Variants in SPPL3 observed in about 807,000 individuals in gnomAD.
SPPL3 encodes signal peptide peptidase-like 3.
SPPL3 carries 5 observed loss-of-function variants against 42.4 expected under a neutral mutation model. The ratio of observed to expected loss-of-function variants is 0.12; its 90% CI spans 0.06 to 0.25. The LOEUF (loss-of-function observed/expected upper bound fraction) is 0.25. Among genes scored for constraint, SPPL3 ranks in the 10% least tolerant of loss-of-function variants. The pLI, the probability that SPPL3 is intolerant of heterozygous loss-of-function variation, is 1.00. For synonymous variants in SPPL3, 195 were observed against 181.8 expected (o/e 1.07, Z -0.58); for missense variants, 235 against 489.0 (o/e 0.48, Z 4.90).
intron 2 of SPPL3, among the ~76,000 whole-genome samples, chr12:120,799,572 T>A (rs1008322065): frequency 4.6e-5 from 7 of 151,982 alleles, no homozygotes; most frequent in Admixed American, 4.6e-4. Context: ...TACTATCAGA[T>A]GGTGGGGGAG....
intron 4 of SPPL3, 37 bp from the exon 5 acceptor site, chr12:120,783,789 A>G (rs746363470): frequency 7.6e-6 from 12 of 1,576,064 alleles, no homozygotes; most frequent in Non-Finnish European, 1.0e-5. Context: ...TAAAACAATT[A>G]TAAGAAAAAT....
intron 2 of SPPL3, among the ~76,000 whole-genome samples, chr12:120,792,805 C>T (rs529167074): frequency 6.6e-6 from 1 of 151,794 alleles, no homozygotes; most frequent in Non-Finnish European, 1.5e-5. Flanking sequence ...ATCATGTGAT[C>T]ACTGAAATGT....
intron 6 of SPPL3, among the ~76,000 whole-genome samples, chr12:120,776,412 A>G (rs983240259): frequency 1.3e-5 from 2 of 152,158 alleles, no homozygotes; most frequent in African/African-American, 4.8e-5. Context: ...CAGACCCTTT[A>G]GTATGTCTTA....
intron 6 of SPPL3, among the ~76,000 whole-genome samples, chr12:120,778,728 TTTTACTAACTAACTTGACA>T (rs574141958): frequency 1.3e-3 from 196 of 152,188 alleles, no homozygotes; most frequent in Non-Finnish European, 2.2e-3. Flanking sequence ...TCTTATGACA[TTTTACTAACTAACTTGACA>T]CACAGACATT....
intron 1 of SPPL3, among the ~76,000 whole-genome samples, chr12:120,855,998 CTG>C (rs1185068357): frequency 6.6e-6 from 1 of 152,178 alleles, no homozygotes; most frequent in Non-Finnish European, 1.5e-5. Context: ...CAACAGAACT[CTG>C]TGATCATGAA....
intron 2 of SPPL3, 169 bp from the exon 3 acceptor site, chr12:120,791,726 C>A: frequency 3.6e-6 from 2 of 554,008 alleles, no homozygotes; most frequent in Non-Finnish European, 6.3e-6. Context: ...TCAGTCCTTC[C>A]AATGTGTCAG....
intron 1 of SPPL3, among the ~76,000 whole-genome samples, chr12:120,860,678 A>C (rs1301293403): frequency 6.6e-6 from 1 of 152,200 alleles, no homozygotes; most frequent in African/African-American, 2.4e-5. Flanking sequence ...ACACACGCAC[A>C]AAAGTTTGTT....
chr12:120,872,788 G>A (rs1038233793), intron 1 of SPPL3, among the ~76,000 whole-genome samples: 3 of 152,122 alleles, frequency 2.0e-5, no homozygotes, highest in Non-Finnish European at 4.4e-5. Flanking sequence ...TAGTAGGGGG[G>A]CCAAGTTAGT....
chr12:120,828,139 A>G (rs1430114656), intron 1 of SPPL3, among the ~76,000 whole-genome samples: 1 of 152,216 alleles, frequency 6.6e-6, no homozygotes, highest in African/African-American at 2.4e-5. Context: ...ATGCTCTCCA[A>G]CTACAATTTA....
At chr12:120,833,067 T>C (rs1393622697) in intron 1 of SPPL3, among the ~76,000 whole-genome samples, 1 of 152,010 alleles carries the variant, frequency 6.6e-6, no homozygotes, top group Non-Finnish European at 1.5e-5. Flanking sequence ...ACTATAGGAG[T>C]TCAGAGGAAG....
intron 2 of SPPL3, among the ~76,000 whole-genome samples, chr12:120,794,172 T>C (rs1410786131): frequency 6.6e-6 from 1 of 152,250 alleles, no homozygotes; most frequent in African/African-American, 2.4e-5. Context: ...GTAGTATTCT[T>C]TACTCTGAAA....
chr12:120,901,881 G>A (rs1873996019), intron 1 of SPPL3: 1 of 985,318 alleles, frequency 1.0e-6, no homozygotes, highest in Non-Finnish European at 1.2e-6. Context: ...AACCTACCTA[G>A]TAAAACATTT....
Position 120,782,761 on chromosome 12 carries a change from G to A in SPPL3, c.396C>T (p.Ser132=). 6.2e-7 allele frequency: 1 copy of A among 1,600,206 alleles called. No individual in the cohort carries two copies. The highest frequency in any genetic ancestry group is 8.5e-7 in the Non-Finnish European group (1 of 1,172,084). The stretch of plus-strand genomic sequence containing the variant: ...CAGTGAAACGTCCACAGCAACCAAA[G>A]GAAATCCTGGAAAACACACAACACT... ...TRPCSPQNKI[S]FGCCGRFTAA... is the part of the protein sequence containing the mutation. Residue 132 remains serine, a synonymous_variant, in exon 6 of 11, where the codon TCC becomes TCT. Coordinates refer to ENST00000353487, the MANE Select transcript of SPPL3 (RefSeq NM_139015.5).
At chr12:120,840,039 G>C (rs1351046875) in intron 1 of SPPL3, among the ~76,000 whole-genome samples, 1 of 152,060 alleles carries the variant, frequency 6.6e-6, no homozygotes, top group Non-Finnish European at 1.5e-5. Flanking sequence ...CAGACACTTT[G>C]GGAGGCCGAG....
chr12:120,873,782 C>T (rs1322495498), intron 1 of SPPL3, among the ~76,000 whole-genome samples: 1 of 151,618 alleles, frequency 6.6e-6, no homozygotes, highest in African/African-American at 2.4e-5. Flanking sequence ...TGAGGCAGGA[C>T]AATCACTTGA....
intron 1 of SPPL3, among the ~76,000 whole-genome samples, chr12:120,857,949 G>A (rs1056900473): frequency 1.3e-5 from 2 of 152,094 alleles, no homozygotes; most frequent in African/African-American, 4.8e-5. Context: ...TGCACGTCCT[G>A]CACATGTATC....
chr12:120,834,645 G>A (rs1871546790), intron 1 of SPPL3, among the ~76,000 whole-genome samples: 2 of 152,178 alleles, frequency 1.3e-5, no homozygotes, highest in Admixed American at 6.5e-5. Context: ...TTCTTTCACA[G>A]TGAACAGAGA....
Position 120,764,073 on chromosome 12 carries a change from AC to A in SPPL3, c.*925del, listed in dbSNP as rs1392639185. On this transcript the variant is annotated 3_prime_UTR_variant, in exon 11 of 11. Coordinates refer to ENST00000353487, the MANE Select transcript of SPPL3 (RefSeq NM_139015.5). ...TTGAACTCTTCATCCCTAATTTGCT[AC>A]ACTGATCAAAACCAAGTAAGGGCTC... 1 of 152,618 alleles carries A rather than the reference AC, an allele frequency of 6.6e-6. No homozygotes were observed. The highest frequency in any genetic ancestry group is 1.5e-5 in the Non-Finnish European group (1 of 68,056). The allele number at this position is 152,618 out of a possible 1,614,324, so 9.5% of individuals were successfully genotyped here.
chr12:120,792,484 G>A lies in SPPL3; in HGVS notation c.102-927C>T, dbSNP rs534869711. ...TGGGAGCCCCAGGCGGGCAGATCACGAGGTCAGAAGATCGAGACCATCCTG... is the reference window on the plus strand; with the variant it reads ...TGGGAGCCCCAGGCGGGCAGATCACAAGGTCAGAAGATCGAGACCATCCTG... On this transcript the variant is annotated intron_variant, in intron 2 of 10. Transcript: ENST00000353487. 3.0e-4 allele frequency among the ~76,000 whole-genome samples: 46 copies of A among 151,950 alleles called. No homozygotes were observed. The South Asian group carries it at 8.1e-3, about 27-fold the overall frequency.
Sources: gnomAD v4.1 joint callset for allele counts (sites outside exome capture counted in the v4.1 genomes callset) on GRCh38, gnomAD v4.1.1 for gene constraint, MANE v1.5 for transcripts, NCBI Gene and HGNC (gene_info 2026-07-23, HGNC 2026-07-21) for gene names.